Variants in ZNF497 observed in about 807,000 individuals in gnomAD.
ZNF497 encodes the protein zinc finger protein 497.
For synonymous variants in ZNF497, 422 were observed against 313.7 expected, an observed-to-expected ratio of 1.35 and a Z score of -3.65; for missense variants, 930 against 714.0, an observed-to-expected ratio of 1.30 and a Z score of -3.45.
At chr19:58,358,090 C>T (rs1370052507) in intron 2 of ZNF497, 1 of 1,244,208 alleles carries the variant, frequency 8.0e-7, no homozygotes, top group Non-Finnish European at 1.0e-6. Flanking sequence ...AGGACACCGC[C>T]TGACCCAAAC....
At position 58,356,049 on chromosome 19, in the gene ZNF497, C is replaced by A; in HGVS notation, c.*90G>T. On this transcript the variant is annotated 3_prime_UTR_variant, in exon 3 of 3. Coordinates refer to ENST00000311044, the MANE Select transcript of ZNF497 (RefSeq NM_198458.3). ...CAGGAGGGCGCCCGCACCGGCGGCC[C>A]GAAAAAGTCTGGGCCAGCAGACAGC... is the stretch of plus-strand genomic sequence containing the variant. 1 of 1,408,238 alleles carries A rather than the reference C, an allele frequency of 7.1e-7. No homozygotes were observed. Among genetic ancestry groups the A allele is most frequent in the African/African-American group, 1.5e-5 (1 of 68,296 alleles). The allele number at this position is 1,408,238 out of a possible 1,614,324, so 87.2% of individuals were successfully genotyped here.
chr19:58,358,043 G>C (rs751339834), intron 2 of ZNF497: 33 of 1,209,428 alleles, frequency 2.7e-5, no homozygotes, highest in Non-Finnish European at 3.4e-5. Context: ...CAGTTTGTGA[G>C]GAACACGATG....
chr19:58,360,698 T>G (rs1052102900), intron 1 of ZNF497, among the ~76,000 whole-genome samples: 1 of 150,772 alleles, frequency 6.6e-6, no homozygotes, highest in Non-Finnish European at 1.5e-5. Context: ...CTGGCTTATT[T>G]TATTTTATTT....
Position 58,358,501 on chromosome 19 carries a change from C to T in ZNF497, c.-27G>A, listed in dbSNP as rs2052054166. On this transcript the variant is annotated 5_prime_UTR_variant, in exon 2 of 3. Coordinates refer to ENST00000311044, the MANE Select transcript of ZNF497 (RefSeq NM_198458.3). Reference sequence around the variant, plus strand: ...GATGGTGCCATACCTGGAGGTGGGGCCTGGAAGGGGCCCAGGGGAGCCTCT... The same window carrying T: ...GATGGTGCCATACCTGGAGGTGGGGTCTGGAAGGGGCCCAGGGGAGCCTCT... 1.7e-6 allele frequency: 2 copies of T among 1,174,044 alleles called. No individual in the cohort carries two copies. Among genetic ancestry groups the T allele is most frequent in the Non-Finnish European group, 2.1e-6 (2 of 932,960 alleles). 72.7% of individuals were successfully genotyped at this position (1,174,044 alleles called of 1,614,324 possible).
chr19:58,355,820 A>T lies in ZNF497; in HGVS notation c.*319T>A. 3.4e-6 allele frequency: 1 copy of T among 290,618 alleles called. No homozygotes were observed. The highest frequency in any genetic ancestry group is 6.4e-6 in the Non-Finnish European group (1 of 157,144). 18.0% of individuals were successfully genotyped at this position (290,618 alleles called of 1,614,324 possible). The stretch of plus-strand genomic sequence containing the variant: ...CTTTTGACAGTGCCAGAGAACTCAA[A>T]GAAATAGCCACACCTGTCGGAGACC... On this transcript the variant is annotated 3_prime_UTR_variant, in exon 3 of 3. Transcript: ENST00000311044.
At chr19:58,357,898 G>A in intron 2 of ZNF497, 3 of 1,372,042 alleles carry the variant, frequency 2.2e-6, no homozygotes, top group Non-Finnish European at 2.8e-6. Flanking sequence ...GCCCGGCCCA[G>A]CAGGAGGGGA....
Position 58,357,375 on chromosome 19 carries a change from C to T in ZNF497, c.261G>A (p.Arg87=), listed in dbSNP as rs766706232. ...ADGGRDGAGP[R]SEPADRALRP... ...GCAACGCCCGGTCTGCAGGCTCGCT[C>T]CTGGGCCCAGCCCCGTCCCGCCCAC... Residue 87 remains arginine (R), a synonymous_variant, in exon 3 of 3, where the codon AGG becomes AGA. Coordinates refer to ENST00000311044, the MANE Select transcript of ZNF497 (RefSeq NM_198458.3). 2.8e-5 allele frequency: 45 copies of T among 1,593,908 alleles called. No homozygotes were observed. The highest frequency in any genetic ancestry group is 1.0e-4 in the Admixed American group (6 of 57,672).
chr19:58,359,399 TA>T (rs1360439517), intron 1 of ZNF497: 2 of 536,770 alleles, frequency 3.7e-6, no homozygotes, highest in Admixed American at 4.7e-5. Flanking sequence ...TGAGACTGAG[TA>T]AAAATGGAAG....
At chr19:58,358,793 A>T (rs1365142048) in intron 1 of ZNF497, 1 of 457,976 alleles carries the variant, frequency 2.2e-6, no homozygotes, top group South Asian at 1.5e-5. Flanking sequence ...TCACTTTCCC[A>T]CAGCCCCCAG....
chr19:58,361,643 C>T (rs2148010314), intron 1 of ZNF497, among the ~76,000 whole-genome samples: 1 of 152,332 alleles, frequency 6.6e-6, no homozygotes, highest in South Asian at 2.1e-4. Flanking sequence ...AGACATGAGC[C>T]ACCGCACCTG....
chr19:58,360,744 G>A (rs2148009595), intron 1 of ZNF497, among the ~76,000 whole-genome samples: 1 of 102,772 alleles, frequency 9.7e-6, no homozygotes, highest in Admixed American at 1.0e-4. Flanking sequence ...GTTTCACCAT[G>A]TTGGCCAGGC....
chr19:58,359,576 C>T (rs1157635669), intron 1 of ZNF497: 12 of 412,026 alleles, frequency 2.9e-5, no homozygotes, highest in Admixed American at 8.0e-5. Context: ...TCCTTGGCAC[C>T]CTTCATCCCA....
intron 1 of ZNF497, among the ~76,000 whole-genome samples, chr19:58,361,360 C>T (rs1349121800): frequency 6.6e-6 from 1 of 152,048 alleles, no homozygotes; most frequent in African/African-American, 2.4e-5. Flanking sequence ...GTTTTTCTTT[C>T]TCTTCTCTTT....
chr19:58,357,902 G>A (rs2052046935), intron 2 of ZNF497: 5 of 1,372,012 alleles, frequency 3.6e-6, no homozygotes, highest in Non-Finnish European at 4.7e-6. Context: ...GGCCCAGCAG[G>A]AGGGGAGGGG....
At chr19:58,359,883 A>T (rs1459715440) in intron 1 of ZNF497, among the ~76,000 whole-genome samples, 1 of 151,956 alleles carries the variant, frequency 6.6e-6, no homozygotes, top group Admixed American at 6.6e-5. Flanking sequence ...TGAGGCAGAG[A>T]ACTGCTTGAA....
rs1199417789 is a variant in ZNF497 at position 58,356,183 on chromosome 19, G to C, written c.1453C>G (p.Leu485Val). The change falls in exon 3 of 3, where the codon CTC (leucine) becomes GTC (valine). Residue 485 changes from leucine to valine, a missense_variant. By Grantham distance (32) the Leu-to-Val change is conservative. Transcript: ENST00000311044. ...CCGTGCCGCTTCTGGTGCTCGTTGA[G>C]GTTGCAACGGTGGCTGAAAGGCTTC... Reference protein sequence around the residue: ...CGKPFSHRCNLNEHQKRHGGR... With the variant: ...CGKPFSHRCNVNEHQKRHGGR... The C allele has an allele frequency of 6.3e-7, 1 of 1,591,092 alleles. No individual in the cohort carries two copies. Among genetic ancestry groups the C allele is most frequent in the Non-Finnish European group, 8.6e-7 (1 of 1,166,752 alleles).
Position 58,357,212 on chromosome 19 carries a change from C to G in ZNF497, c.424G>C (p.Ala142Pro). The G allele has an allele frequency of 6.2e-7, 1 of 1,613,200 alleles. No individual in the cohort carries two copies. Among genetic ancestry groups the G allele is most frequent in the East Asian group, 2.2e-5 (1 of 44,864 alleles). Residue 142 changes from alanine to proline, a missense_variant, in exon 3 of 3, where the codon GCC becomes CCC. Physicochemically the swap from Ala to Pro is conservative, Grantham distance 27 (BLOSUM62 -1). Transcript: ENST00000311044. ...KPYTCPECGK[A>P]FAWSSNLSQH... ...CTGAGGTTGGAGCTCCAGGCGAAGG[C>G]CTTGCCGCACTCGGGGCACGTGTAC...
chr19:58,356,070 A>G lies in ZNF497; in HGVS notation c.*69T>C. The G allele has an allele frequency of 6.9e-7, 1 of 1,446,574 alleles. No individual in the cohort carries two copies. The highest frequency in any genetic ancestry group is 1.4e-5 in the African/African-American group (1 of 69,886). The allele number at this position is 1,446,574 out of a possible 1,614,324, so 89.6% of individuals were successfully genotyped here. ...GGCCCGAAAAAGTCTGGGCCAGCAG[A>G]CAGCGCACTCACGCCCGAGACCCCG... On this transcript the variant is annotated 3_prime_UTR_variant, in exon 3 of 3. Transcript: ENST00000311044.
intron 2 of ZNF497, chr19:58,357,919 G>A: frequency 7.4e-7 from 1 of 1,359,356 alleles, no homozygotes; most frequent in Non-Finnish European, 9.5e-7. Flanking sequence ...GGGGGCGCCA[G>A]CATCGCAGAA....
Sources: allele counts gnomAD v4.1 joint callset (sites outside exome capture counted in the v4.1 genomes callset), GRCh38; gene constraint gnomAD v4.1.1; transcripts MANE v1.5; gene names NCBI Gene and HGNC (gene_info 2026-07-23, HGNC 2026-07-21).